The following SESN1 variants were observed in gnomAD, a reference collection of about 807,000 sequenced individuals.
The protein encoded by SESN1 is sestrin 1.
In SESN1, 30 loss-of-function variants were observed where a neutral mutation model predicts 59.3. That is an observed-to-expected ratio of 0.51 (90% CI 0.38 to 0.69). The LOEUF (loss-of-function observed/expected upper bound fraction) is 0.69, where lower values mean the gene tolerates loss of function less well. Among genes scored for constraint, SESN1 ranks in the 30% least tolerant of loss-of-function variants. The probability of loss-of-function intolerance (pLI) is 0.00; values close to 1 mark genes in which losing one functional copy is unlikely to be tolerated. For synonymous variants in SESN1, 197 were observed against 219.9 expected (o/e 0.90, Z 0.92); for missense variants, 566 against 673.0 (o/e 0.84, Z 1.76).
At chr6:109,019,878 T>G (rs1301715795) in intron 1 of SESN1, among the ~76,000 whole-genome samples, 1 of 152,226 alleles carries the variant, frequency 6.6e-6, no homozygotes, top group Non-Finnish European at 1.5e-5. Flanking sequence ...TACAGTACTT[T>G]AGTTTGTAGA....
chr6:108,997,342 C>T (rs1779520818), intron 5 of SESN1, among the ~76,000 whole-genome samples: 1 of 152,188 alleles, frequency 6.6e-6, no homozygotes, highest in Admixed American at 6.5e-5. Flanking sequence ...ATTCTAGCAA[C>T]TGAATACTCT....
chr6:109,021,758 A>C (rs1054789507), intron 1 of SESN1, among the ~76,000 whole-genome samples: 1 of 152,110 alleles, frequency 6.6e-6, no homozygotes, highest in African/African-American at 2.4e-5. Flanking sequence ...CTTTATCTTC[A>C]GTTGTCACAG....
intron 8 of SESN1, among the ~76,000 whole-genome samples, chr6:108,989,542 T>C (rs1247238210): frequency 9.6e-6 from 1 of 104,120 alleles, no homozygotes; most frequent in Non-Finnish European, 2.0e-5. Flanking sequence ...GAGATAGAGA[T>C]ATCTCTAGAT....
intron 1 of SESN1, chr6:109,009,127 G>C: frequency 1.4e-6 from 1 of 691,272 alleles, no homozygotes; most frequent in Non-Finnish European, 2.0e-6. Context: ...GCCCAGGGAC[G>C]ACTCACGGTG....
At chr6:109,038,321 C>T (rs950422008) in intron 1 of SESN1, among the ~76,000 whole-genome samples, 1 of 152,154 alleles carries the variant, frequency 6.6e-6, no homozygotes, top group African/African-American at 2.4e-5. Flanking sequence ...AGTGAAACCT[C>T]GTCTCTACTA....
At chr6:109,084,115 C>T (rs1350229960) in intron 1 of SESN1, among the ~76,000 whole-genome samples, 2 of 152,220 alleles carry the variant, frequency 1.3e-5, no homozygotes, top group African/African-American at 4.8e-5. Flanking sequence ...TCAATTTAAA[C>T]AACTTTCAAG....
At chr6:109,002,931 T>TG (rs1459485993) in intron 1 of SESN1, among the ~76,000 whole-genome samples, 1 of 152,134 alleles carries the variant, frequency 6.6e-6, no homozygotes, top group Non-Finnish European at 1.5e-5. Flanking sequence ...TGCCTTAAAT[T>TG]AAGTTTTTTT....
intron 1 of SESN1, 81 bp downstream of exon 1, chr6:109,093,714 G>A (rs1781388478): frequency 1.4e-6 from 2 of 1,389,660 alleles, no homozygotes; most frequent in African/African-American, 2.9e-5. Context: ...CAACCTAATA[G>A]AAACAAACAC....
chr6:109,006,072 T>TAGC (rs755358832), intron 1 of SESN1, among the ~76,000 whole-genome samples: 18 of 152,122 alleles, frequency 1.2e-4, no homozygotes, highest in Admixed American at 9.2e-4. Flanking sequence ...TAAATAGCAA[T>TAGC]AGCAGCAGCA....
intron 5 of SESN1, among the ~76,000 whole-genome samples, 155 bp from the exon 6 acceptor site, chr6:108,994,764 G>A (rs987770561): frequency 1.0e-4 from 15 of 146,798 alleles, no homozygotes; most frequent in Non-Finnish European, 1.0e-4. Context: ...GTGCAGTGGC[G>A]CGATCTCGGC....
intron 1 of SESN1, among the ~76,000 whole-genome samples, chr6:109,074,885 G>A (rs1781005814): frequency 6.6e-6 from 1 of 152,220 alleles, no homozygotes; most frequent in Non-Finnish European, 1.5e-5. Flanking sequence ...AGAATGGGAA[G>A]TAAAACATTT....
At chr6:109,019,945 A>G (rs1055005863) in intron 1 of SESN1, among the ~76,000 whole-genome samples, 36 of 152,250 alleles carry the variant, frequency 2.4e-4, no homozygotes, top group Non-Finnish European at 4.7e-4. Context: ...AAATTTATAC[A>G]TAAGTGGGTT....
intron 1 of SESN1, among the ~76,000 whole-genome samples, chr6:109,020,994 G>A (rs538682506): frequency 1.4e-4 from 22 of 152,140 alleles, no homozygotes; most frequent in Non-Finnish European, 2.8e-4. Flanking sequence ...ACCATTTTAG[G>A]AGACACTTTA....
At chr6:109,056,296 T>C (rs937695186) in intron 1 of SESN1, among the ~76,000 whole-genome samples, 3 of 152,050 alleles carry the variant, frequency 2.0e-5, no homozygotes, top group African/African-American at 7.2e-5. Flanking sequence ...CCCAGCTACT[T>C]GGGAGGCTGA....
intron 1 of SESN1, among the ~76,000 whole-genome samples, chr6:109,012,505 G>A (rs1460146036): frequency 6.6e-6 from 1 of 152,176 alleles, no homozygotes; most frequent in East Asian, 1.9e-4. Context: ...TGTAAAAGCA[G>A]AGTGGTGTCA....
rs75192704 is a variant in SESN1 at position 109,019,611 on chromosome 6, A to G, written c.280-17268T>C. On this transcript the variant is annotated intron_variant, in intron 1 of 9. Coordinates refer to ENST00000436639, the MANE Select transcript of SESN1 (RefSeq NM_014454.3). ...TCACTCTTATCCTTTAGTGACACAC[A>G]TGCCAGTATGAGCAAGAATAGTCTT... Among the ~76,000 whole-genome samples the G allele has an allele frequency of 3.3e-5, 5 of 152,326 alleles. No homozygotes were observed. In the East Asian group the frequency reaches 7.7e-4, roughly 23 times the overall value.
At chr6:109,085,662 T>A (rs1317982074) in intron 1 of SESN1, among the ~76,000 whole-genome samples, 3 of 152,208 alleles carry the variant, frequency 2.0e-5, no homozygotes, top group African/African-American at 7.2e-5. Flanking sequence ...CTTTCTCACT[T>A]AATGTAGTAA....
chr6:109,023,439 A>G (rs1306580467), intron 1 of SESN1, among the ~76,000 whole-genome samples: 1 of 152,176 alleles, frequency 6.6e-6, no homozygotes, highest in Non-Finnish European at 1.5e-5. Context: ...AACCTCCAAA[A>G]TATGATCCAC....
intron 1 of SESN1, among the ~76,000 whole-genome samples, chr6:109,043,116 A>G (rs1302976921): frequency 6.6e-6 from 1 of 152,190 alleles, no homozygotes; most frequent in Non-Finnish European, 1.5e-5. Context: ...ATTGATGCAG[A>G]AAAACATTTG....
Sources: gnomAD v4.1 joint callset for allele counts (sites outside exome capture counted in the v4.1 genomes callset) on GRCh38, gnomAD v4.1.1 for gene constraint, MANE v1.5 for transcripts, NCBI Gene and HGNC (gene_info 2026-07-23, HGNC 2026-07-21) for gene names.